Variants in CTDSPL2 observed in about 807,000 individuals in gnomAD.
CTDSPL2 encodes the protein CTD small phosphatase like 2, also known as CTD small phosphatase-like protein 2.
Under a neutral mutation model 60.0 loss-of-function variants are expected in CTDSPL2, and 5 were observed. The ratio of observed to expected loss-of-function variants is 0.08; its 90% confidence interval spans 0.04 to 0.18. The LOEUF is 0.18. Among genes scored for constraint, CTDSPL2 ranks in the 10% least tolerant of loss-of-function variants. The pLI is 1.00. For missense variants in CTDSPL2, 370 were observed against 548.8 expected (o/e 0.67, Z 3.26); for synonymous variants, 186 against 189.3 (o/e 0.98, Z 0.14).
At position 44,526,150 on chromosome 15, in the gene CTDSPL2, C is replaced by G. The variant is rs2081868996; in HGVS notation, c.*1976C>G. 1 of 152,116 alleles carries G rather than the reference C, an allele frequency of 6.6e-6. No homozygotes were observed. The highest frequency in any genetic ancestry group is 1.5e-5 in the Non-Finnish European group (1 of 67,986). The allele number at this position is 152,116 out of a possible 1,614,324, so 9.4% of individuals were successfully genotyped here. On this transcript the variant is annotated 3_prime_UTR_variant, in exon 13 of 13. Transcript: ENST00000260327. ...TTTATGCTGTTTGTCTTCTGTCTTT[C>G]TTGAAATAAAATGTACATACGTTAC...
chr15:44,455,594 C>A (rs1567068657), intron 1 of CTDSPL2, among the ~76,000 whole-genome samples: 1 of 152,082 alleles, frequency 6.6e-6, no homozygotes, highest in Non-Finnish European at 1.5e-5. Context: ...AGATACATCC[C>A]ATCAATACCT....
chr15:44,491,837 A>T (rs541746972), intron 5 of CTDSPL2, among the ~76,000 whole-genome samples: 45 of 152,062 alleles, frequency 3.0e-4, no homozygotes, highest in Non-Finnish European at 5.7e-4. Flanking sequence ...GCTTGAGGTC[A>T]AGAGTTTGAG....
chr15:44,456,159 G>C, intron 1 of CTDSPL2, among the ~76,000 whole-genome samples: 1 of 152,094 alleles, frequency 6.6e-6, no homozygotes, highest in East Asian at 1.9e-4. Context: ...CTTTATTGAG[G>C]ATTTTTGCAT....
chr15:44,464,485 T>G (rs2080643006), intron 2 of CTDSPL2, among the ~76,000 whole-genome samples: 2 of 152,184 alleles, frequency 1.3e-5, no homozygotes, highest in South Asian at 4.1e-4. Flanking sequence ...CCTGTATTAT[T>G]TCTCCTTTAT....
intron 1 of CTDSPL2, among the ~76,000 whole-genome samples, chr15:44,429,943 T>C (rs892967740): frequency 1.3e-5 from 2 of 152,218 alleles, no homozygotes; most frequent in African/African-American, 2.4e-5. Flanking sequence ...AAAATCTAAA[T>C]AGGATTGCAT....
chr15:44,441,415 A>C (rs1356785362), intron 1 of CTDSPL2, among the ~76,000 whole-genome samples: 1 of 152,094 alleles, frequency 6.6e-6, no homozygotes, highest in Non-Finnish European at 1.5e-5. Flanking sequence ...CTTCAGTCCC[A>C]TGTTCGCATA....
chr15:44,446,154 GACCTC>G (rs201290453), intron 1 of CTDSPL2, among the ~76,000 whole-genome samples: 2,967 of 152,060 alleles, frequency 0.02, 45 homozygotes, highest in Middle Eastern at 0.068. Context: ...TCGAACTCCT[GACCTC>G]GTGATCCACC....
chr15:44,482,672 G>A (rs190527096), intron 2 of CTDSPL2, among the ~76,000 whole-genome samples: 1 of 152,234 alleles, frequency 6.6e-6, no homozygotes, highest in Admixed American at 6.5e-5. Context: ...ATTTTATTGT[G>A]GATCACTGAG....
chr15:44,514,190 TTA>T (rs2081612914), intron 8 of CTDSPL2, among the ~76,000 whole-genome samples: 1 of 152,184 alleles, frequency 6.6e-6, no homozygotes, highest in Non-Finnish European at 1.5e-5. Context: ...TTCTGAGTAA[TTA>T]TTGAGGAAGG....
At chr15:44,498,010 A>G (rs932626939) in intron 7 of CTDSPL2, among the ~76,000 whole-genome samples, 4 of 152,030 alleles carry the variant, frequency 2.6e-5, no homozygotes, top group African/African-American at 9.7e-5. Flanking sequence ...AAAAAAAATG[A>G]TATTTTAGGG....
intron 12 of CTDSPL2, among the ~76,000 whole-genome samples, chr15:44,522,535 T>C (rs540101851): frequency 6.6e-6 from 1 of 152,168 alleles, no homozygotes; most frequent in African/African-American, 2.4e-5. Context: ...GGCAGATCAC[T>C]TGAGGTCAGG....
At chr15:44,475,278 C>A (rs926746064) in intron 2 of CTDSPL2, among the ~76,000 whole-genome samples, 2 of 152,150 alleles carry the variant, frequency 1.3e-5, no homozygotes, top group Admixed American at 1.3e-4. Context: ...TCAGCACTAT[C>A]TACTATGCAA....
intron 1 of CTDSPL2, among the ~76,000 whole-genome samples, chr15:44,433,330 G>GA (rs1020559472): frequency 0.13 from 8,619 of 63,942 alleles, 418 homozygotes; most frequent in East Asian, 0.2. Context: ...CTGTCTCAAA[G>GA]AAAAAAAAAA....
At chr15:44,519,320 C>T in intron 11 of CTDSPL2, 25 bp downstream of exon 11, 1 of 1,532,716 alleles carries the variant, frequency 6.5e-7, no homozygotes, top group South Asian at 1.3e-5. Flanking sequence ...GATAAACAAA[C>T]TCAGATTGGA....
At chr15:44,492,221 A>G (rs1433881578) in intron 5 of CTDSPL2, among the ~76,000 whole-genome samples, 1 of 152,104 alleles carries the variant, frequency 6.6e-6, no homozygotes, top group African/African-American at 2.4e-5. Flanking sequence ...CTGTAGTCCT[A>G]ATTACTCAGG....
rs933101583 is a variant in CTDSPL2 at position 44,525,521 on chromosome 15, A to C, written c.*1347A>C. 7.5e-6 allele frequency: 3 copies of C among 398,728 alleles called. No homozygotes were observed. The highest frequency in any genetic ancestry group is 1.3e-5 in the Non-Finnish European group (3 of 225,900). 24.7% of individuals were successfully genotyped at this position (398,728 alleles called of 1,614,324 possible). On this transcript the variant is annotated 3_prime_UTR_variant, in exon 13 of 13. Transcript: ENST00000260327. ...CACAGGCTCAGACTGTTTTTGTGTA[A>C]AGGATGTCAAAGAACGGCACTTTTT...
Position 44,486,720 on chromosome 15 carries a change from T to G in CTDSPL2, c.475+20T>G, listed in dbSNP as rs1185626615. 8.2e-6 allele frequency: 12 copies of G among 1,471,218 alleles called. No individual in the cohort carries two copies. Among genetic ancestry groups the G allele is most frequent in the Non-Finnish European group, 1.1e-5 (12 of 1,098,216 alleles). The allele number at this position is 1,471,218 out of a possible 1,614,324, so 91.1% of individuals were successfully genotyped here. On this transcript the variant is annotated intron_variant, in intron 4 of 12. Coordinates refer to ENST00000260327, the MANE Select transcript of CTDSPL2 (RefSeq NM_016396.3). ...AAAATGGTAAGTATAAACTGTTAAC[T>G]GTGATTTGGATTTTTTTTAAAAAAA...
intron 2 of CTDSPL2, among the ~76,000 whole-genome samples, chr15:44,475,362 G>C (rs1051439452): frequency 1.3e-5 from 2 of 152,092 alleles, no homozygotes; most frequent in Non-Finnish European, 2.9e-5. Flanking sequence ...CTTCAGGCCG[G>C]GCGTGGTGGC....
At chr15:44,448,558 AT>A in intron 1 of CTDSPL2, 1 of 283,122 alleles carries the variant, frequency 3.5e-6, no homozygotes, top group Non-Finnish European at 6.9e-6. Flanking sequence ...TATTACTAAG[AT>A]TTCCTTTATT....
Sources: allele counts gnomAD v4.1 joint callset (sites outside exome capture counted in the v4.1 genomes callset), GRCh38; gene constraint gnomAD v4.1.1; transcripts MANE v1.5; gene names NCBI Gene and HGNC (gene_info 2026-07-23, HGNC 2026-07-21).